RASSF2: variants seen among roughly 807,000 people sequenced by gnomAD.
RASSF2 encodes Ras association domain family member 2.
Under a neutral mutation model 46.3 loss-of-function variants are expected in RASSF2, and 34 were observed. The observed-to-expected ratio is 0.73, with a 90% CI of 0.56 to 0.98. RASSF2 has a LOEUF of 0.98. RASSF2 is among the 50% of genes least tolerant of loss of function. RASSF2 has a pLI of 0.00. For synonymous variants in RASSF2, 158 were observed against 162.5 expected, an observed-to-expected ratio of 0.97 and a Z score of 0.21; for missense variants, 364 against 431.2, an observed-to-expected ratio of 0.84 and a Z score of 1.38.
intron 2 of RASSF2, among the ~76,000 whole-genome samples, chr20:4,804,036 C>G (rs925139850): frequency 6.6e-6 from 1 of 151,818 alleles, no homozygotes; most frequent in Admixed American, 6.6e-5. Flanking sequence ...CTAGCCTGGT[C>G]GACAGAGTAA....
At chr20:4,788,095 G>T in intron 9 of RASSF2, 122 bp downstream of exon 9, 2 of 989,920 alleles carry the variant, frequency 2.0e-6, no homozygotes, top group Non-Finnish European at 3.1e-6. Flanking sequence ...AGCCTTGAAG[G>T]CAAACAACAT....
Position 4,784,029 on chromosome 20 carries a change from T to G in RASSF2, c.*244A>C. On this transcript the variant is annotated 3_prime_UTR_variant, in exon 12 of 12. Coordinates refer to ENST00000379400, the MANE Select transcript of RASSF2 (RefSeq NM_014737.3). ...GTGCACACACATGTACACACACACA[T>G]TTTGGGTCCTCCTTATAACTAAAAT... 11 of 541,816 alleles carry G rather than the reference T, an allele frequency of 2.0e-5. No individual in the cohort carries two copies. The highest frequency in any genetic ancestry group is 6.3e-5 in the East Asian group (2 of 31,860). The allele number at this position is 541,816 out of a possible 1,614,324, so 33.6% of individuals were successfully genotyped here.
chr20:4,792,663 T>C (rs186537134), intron 5 of RASSF2, 36 bp from the exon 6 acceptor site: 200 of 1,608,388 alleles, frequency 1.2e-4, no homozygotes, highest in Admixed American at 7.8e-4. Context: ...GGGGGGAGAC[T>C]AGTTTAAGCC....
chr20:4,802,724 T>A (rs537021476), intron 2 of RASSF2, among the ~76,000 whole-genome samples: 200 of 151,526 alleles, frequency 1.3e-3, no homozygotes, highest in Admixed American at 2.7e-3. Context: ...GGGTACAGAG[T>A]GTGCAAAAGG....
intron 11 of RASSF2, among the ~76,000 whole-genome samples, chr20:4,784,592 CAAAAAAAAAAAAAAA>C (rs71197728): frequency 2.2e-5 from 2 of 89,864 alleles, no homozygotes; most frequent in Non-Finnish European, 4.3e-5. Context: ...AACATCTAGC[CAAAAAAAAAAAAAAA>C]AAAAAAAAGG....
chr20:4,800,935 G>A, intron 3 of RASSF2, 37 bp downstream of exon 3: 1 of 1,550,492 alleles, frequency 6.4e-7, no homozygotes, highest in Non-Finnish European at 8.9e-7. Context: ...CACGGGACTG[G>A]TCACTGAGGA....
At chr20:4,818,219 A>G (rs1156421501) in intron 2 of RASSF2, among the ~76,000 whole-genome samples, 2 of 152,140 alleles carry the variant, frequency 1.3e-5, no homozygotes, top group Non-Finnish European at 2.9e-5. Context: ...GTGAGCCAAG[A>G]TCGTGCCACT....
intron 2 of RASSF2, among the ~76,000 whole-genome samples, chr20:4,808,020 A>G (rs2122613626): frequency 6.6e-6 from 1 of 152,374 alleles, no homozygotes; most frequent in Non-Finnish European, 1.5e-5. Context: ...GGAAATTCAC[A>G]GTTAACTCTG....
Position 4,780,227 on chromosome 20 carries a change from T to C in RASSF2, c.*4046A>G, listed in dbSNP as rs1924669920. On this transcript the variant is annotated 3_prime_UTR_variant, in exon 12 of 12. Transcript: ENST00000379400. Reference sequence around the variant, plus strand: ...AAGGCAAGTTATAATTAAGAATACTTCACAAGGCTAAAACAATTGGGAAAA... The same window carrying C: ...AAGGCAAGTTATAATTAAGAATACTCCACAAGGCTAAAACAATTGGGAAAA... The C allele has an allele frequency of 6.6e-6, 1 of 152,164 alleles. No individual in the cohort carries two copies. 9.4% of individuals were successfully genotyped at this position (152,164 alleles called of 1,614,324 possible). A position where few individuals can be genotyped will look rare whatever the true frequency, so the allele number is the denominator to read the frequency against.
intron 2 of RASSF2, among the ~76,000 whole-genome samples, chr20:4,813,354 C>T (rs886583289): frequency 2.0e-5 from 3 of 152,216 alleles, no homozygotes; most frequent in Non-Finnish European, 2.9e-5. Flanking sequence ...TGGCCCAGCC[C>T]GGCCCAGCCC....
rs761011169 is a variant in RASSF2, at chr20:4,795,869, C to T, written c.233G>A (p.Arg78Gln). Reference sequence around the variant, plus strand: ...CCAGGAGGAGGAGGATGGAGGGGGTCGAATGCGTTCGTTGTCATCCTGCAT... The same window carrying T: ...CCAGGAGGAGGAGGATGGAGGGGGTTGAATGCGTTCGTTGTCATCCTGCAT... ...LQMQDDNERI[R>Q]PPPSSSSWHS... The change falls in exon 5 of 12, where the codon CGA (arginine) becomes CAA (glutamine). Residue 78 changes from arginine to glutamine, a missense_variant. Arg to Gln is a conservative substitution (Grantham distance 43, BLOSUM62 1). Transcript: ENST00000379400. This position sits in a 1 kb window ranked among gnomAD's most constrained non-coding sequence, Gnocchi z 4.0. The T allele has an allele frequency of 2.5e-6, 4 of 1,610,122 alleles. No individual in the cohort carries two copies. Among genetic ancestry groups the T allele is most frequent in the South Asian group, 1.1e-5 (1 of 90,972 alleles).
At chr20:4,805,073 T>G (rs1927237576) in intron 2 of RASSF2, among the ~76,000 whole-genome samples, 1 of 152,162 alleles carries the variant, frequency 6.6e-6, no homozygotes, top group East Asian at 1.9e-4. Flanking sequence ...GAGTCTGGAC[T>G]TCATCTGGTG....
rs1003628245 is a variant in RASSF2, at chr20:4,812,303, C to T, written c.-33+10026G>A. Reference sequence around the variant, plus strand: ...TTTAACCCCTACACCAACCTCATTACGAAAGAAACTTTATTATCCTCATTT... The same window carrying T: ...TTTAACCCCTACACCAACCTCATTATGAAAGAAACTTTATTATCCTCATTT... On this transcript the variant is annotated intron_variant, in intron 2 of 11. Transcript: ENST00000379400. This position sits in a 1 kb window ranked among gnomAD's most constrained non-coding sequence, Gnocchi z 4.0. Among the ~76,000 whole-genome samples, 30 of 152,206 alleles carry T rather than the reference C, an allele frequency of 2.0e-4. No individual in the cohort carries two copies. The highest frequency in any genetic ancestry group is 4.1e-4 in the South Asian group (2 of 4,838).
At chr20:4,806,804 C>T (rs1435960210) in intron 2 of RASSF2, among the ~76,000 whole-genome samples, 1 of 152,172 alleles carries the variant, frequency 6.6e-6, no homozygotes, top group East Asian at 1.9e-4. Context: ...TCCACCCCGG[C>T]AGCTACCCTC....
intron 11 of RASSF2, 34 bp downstream of exon 11, chr20:4,786,197 G>C (rs747826426): frequency 6.5e-7 from 1 of 1,530,306 alleles, no homozygotes; most frequent in Non-Finnish European, 9.1e-7. Context: ...GGCCCCAGGA[G>C]AAGTGCACCC....
In RASSF2 at chr20:4,785,995, C is replaced by A. The variant is rs1199569555; in HGVS notation, c.911+236G>T. Reference sequence around the variant, plus strand: ...CAGAGTCTTTCCATAAGAGGGAGGACAAGAGACACTTTGATGTCCCACATC... The same window carrying A: ...CAGAGTCTTTCCATAAGAGGGAGGAAAAGAGACACTTTGATGTCCCACATC... On this transcript the variant is annotated intron_variant, in intron 11 of 11. Coordinates refer to ENST00000379400, the MANE Select transcript of RASSF2 (RefSeq NM_014737.3). Among the ~76,000 whole-genome samples the A allele has an allele frequency of 3.9e-5, 6 of 152,138 alleles. No individual in the cohort carries two copies. In the East Asian group the frequency reaches 9.6e-4, roughly 24 times the overall value.
chr20:4,815,985 A>G (rs1928274187), intron 2 of RASSF2, among the ~76,000 whole-genome samples: 2 of 152,240 alleles, frequency 1.3e-5, no homozygotes, highest in Non-Finnish European at 2.9e-5. Context: ...TTGCAGAAGT[A>G]AAATAAACAT....
chr20:4,785,171 A>AAAAAAAAAG (rs1925212456), intron 11 of RASSF2, among the ~76,000 whole-genome samples: 1 of 151,078 alleles, frequency 6.6e-6, no homozygotes, highest in African/African-American at 2.4e-5. Context: ...AAAAAAAAAA[A>AAAAAAAAAG]AAAGAAAGAA....
chr20:4,793,566 A>T (rs1317897064), intron 5 of RASSF2, among the ~76,000 whole-genome samples: 1 of 152,204 alleles, frequency 6.6e-6, no homozygotes, highest in Non-Finnish European at 1.5e-5. Context: ...TGGCACCCAG[A>T]GCAGCGACTC....
Sources: gnomAD v4.1 joint callset for allele counts (sites outside exome capture counted in the v4.1 genomes callset) on GRCh38, gnomAD v4.1.1 for gene constraint, Gnocchi (gnomAD v3.1) non-coding constraint, MANE v1.5 for transcripts, NCBI Gene and HGNC (gene_info 2026-07-23, HGNC 2026-07-21) for gene names.